The following THUMPD2 variants were observed in gnomAD, a reference collection of about 807,000 sequenced individuals.
THUMPD2 encodes the protein THUMP domain 2 tRNA and snRNA guanosine methyltransferase.
In THUMPD2, 56 loss-of-function variants were observed where a neutral mutation model predicts 49.4. The observed-to-expected ratio is 1.13, with a 90% confidence interval of 0.91 to 1.41. The LOEUF (loss-of-function observed/expected upper bound fraction) is 1.41. Among genes scored for constraint, THUMPD2 ranks in the 40% most tolerant of loss-of-function variants. The pLI is 0.00. For synonymous variants in THUMPD2, 237 were observed against 205.2 expected (o/e 1.15, Z -1.32); for missense variants, 709 against 594.5 (o/e 1.19, Z -2.00).
intron 6 of THUMPD2, among the ~76,000 whole-genome samples, chr2:39,757,087 A>T (rs1004389709): frequency 6.6e-6 from 1 of 152,092 alleles, no homozygotes; most frequent in East Asian, 1.9e-4. Context: ...AGACCAAAGA[A>T]TCATGACGGG....
intron 8 of THUMPD2, among the ~76,000 whole-genome samples, chr2:39,748,217 CT>C (rs564900831): frequency 2.0e-5 from 3 of 151,974 alleles, no homozygotes; most frequent in African/African-American, 4.8e-5. Flanking sequence ...AATTAGGCAA[CT>C]TTTTTTTGGT....
intron 8 of THUMPD2, among the ~76,000 whole-genome samples, chr2:39,749,792 T>A (rs1436601715): frequency 6.6e-6 from 1 of 152,002 alleles, no homozygotes; most frequent in Non-Finnish European, 1.5e-5. Flanking sequence ...GTGTGTGTTG[T>A]CCCCCAACCA....
rs114721431 is a variant in THUMPD2 at position 39,768,081 on chromosome 2, T to C, written c.750+343A>G. ...TAGGACTTTGTTGTTATCCATTTTT[T>C]TAATATTAGCTAAAATTTTTAAAAT... On this transcript the variant is annotated intron_variant, in intron 4 of 9. Coordinates refer to ENST00000505747, the MANE Select transcript of THUMPD2 (RefSeq NM_025264.5). 8.7e-3 allele frequency among the ~76,000 whole-genome samples: 1,333 copies of C among 152,346 alleles called. 20 individuals are homozygous for C. The highest frequency in any genetic ancestry group is 0.031 in the African/African-American group (1,270 of 41,580).
chr2:39,775,960 T>C (rs1466646750), intron 1 of THUMPD2, among the ~76,000 whole-genome samples: 1 of 152,128 alleles, frequency 6.6e-6, no homozygotes, highest in Non-Finnish European at 1.5e-5. Flanking sequence ...ATTCAGGACC[T>C]GTGTTAATAG....
intron 5 of THUMPD2, among the ~76,000 whole-genome samples, chr2:39,765,371 G>C (rs1677377539): frequency 6.6e-6 from 1 of 152,014 alleles, no homozygotes; most frequent in Non-Finnish European, 1.5e-5. Flanking sequence ...TGTTGGTCAG[G>C]CTGGTCTTGA....
At chr2:39,746,419 C>G (rs1054067761) in intron 8 of THUMPD2, among the ~76,000 whole-genome samples, 1 of 152,186 alleles carries the variant, frequency 6.6e-6, no homozygotes, top group Admixed American at 6.5e-5. Flanking sequence ...TTGTCCCCAT[C>G]TCCGTAGGTT....
chr2:39,741,013 C>T (rs762568835), intron 9 of THUMPD2, among the ~76,000 whole-genome samples: 11 of 152,168 alleles, frequency 7.2e-5, no homozygotes, highest in Non-Finnish European at 1.2e-4. Flanking sequence ...TGCCCAGAAA[C>T]ACATAATTTC....
chr2:39,756,229 A>T (rs1240460997), intron 6 of THUMPD2, among the ~76,000 whole-genome samples: 2 of 152,184 alleles, frequency 1.3e-5, no homozygotes, highest in African/African-American at 4.8e-5. Flanking sequence ...CACAAGTATT[A>T]GTGTGGAACA....
intron 1 of THUMPD2, among the ~76,000 whole-genome samples, chr2:39,772,226 G>A (rs961299110): frequency 5.9e-5 from 9 of 152,300 alleles, no homozygotes; most frequent in Non-Finnish European, 1.0e-4. Context: ...GAAGTAAACT[G>A]TAAGCAACAT....
chr2:39,736,907 T>G lies in THUMPD2; in HGVS notation c.1340A>C (p.Lys447Thr), dbSNP rs750456070. The G allele has an allele frequency of 2.5e-6, 4 of 1,614,166 alleles. No homozygotes were observed. Reference protein sequence around the residue: ...GIKKCLNPEEKTGAFKTASTS... With the variant: ...GIKKCLNPEETTGAFKTASTS... ...TGACGCTGTCTTGAATGCACCAGTT[T>G]TTTCTTCAGGATTCAAGCACTTTTT... Residue 447 changes from lysine to threonine, a missense_variant, in exon 10 of 10, where the codon AAA (lysine) becomes ACA (threonine). Transcript: ENST00000505747.
chr2:39,738,809 C>T (rs1488933754), intron 9 of THUMPD2, among the ~76,000 whole-genome samples: 2 of 151,830 alleles, frequency 1.3e-5, no homozygotes, highest in Admixed American at 6.6e-5. Flanking sequence ...AGCAGATGCT[C>T]GTCTGCCAGG....
At chr2:39,748,934 T>C (rs947397699) in intron 8 of THUMPD2, among the ~76,000 whole-genome samples, 1 of 151,876 alleles carries the variant, frequency 6.6e-6, no homozygotes. Context: ...TGCAGTAAGC[T>C]ATTATCAGAC....
Position 39,772,473 on chromosome 2 carries a change from A to G in THUMPD2, c.127-833T>C, listed in dbSNP as rs146308828. Among the ~76,000 whole-genome samples, 648 of 152,348 alleles carry G rather than the reference A, an allele frequency of 4.3e-3. 5 individuals carry two copies. Among genetic ancestry groups the G allele is most frequent in the African/African-American group, 0.014 (599 of 41,576 alleles). ...GGAGAAGTAGGTTACTAAGGTAGAAATGATGAGATACTTGGCTGCAGAAAC... is the reference window on the plus strand; with the variant it reads ...GGAGAAGTAGGTTACTAAGGTAGAAGTGATGAGATACTTGGCTGCAGAAAC... On this transcript the variant is annotated intron_variant, in intron 1 of 9. Transcript: ENST00000505747.
Position 39,744,408 on chromosome 2 carries a change from T to C in THUMPD2, c.1149A>G (p.Leu383=). ...GTAGAATGCTTTTGATGTCTTTTCCTAACTTAAACTTTTTCCCAAATGGAA... is the reference window on the plus strand; with the variant it reads ...GTAGAATGCTTTTGATGTCTTTTCCCAACTTAAACTTTTTCCCAAATGGAA... ...SDIPFGKKFK[L]GKDIKSILQE... is the part of the protein sequence containing the mutation. The change falls in exon 9 of 10, where the codon TTA becomes TTG. Residue 383 remains leucine, a synonymous_variant. Transcript: ENST00000505747. The C allele has an allele frequency of 1.3e-6, 2 of 1,586,972 alleles. No individual in the cohort carries two copies. Among genetic ancestry groups the C allele is most frequent in the Non-Finnish European group, 1.7e-6 (2 of 1,170,294 alleles).
At chr2:39,745,162 C>T (rs10197101) in intron 8 of THUMPD2, among the ~76,000 whole-genome samples, 8,507 of 152,232 alleles carry the variant, frequency 0.056, 802 homozygotes, top group African/African-American at 0.19. Flanking sequence ...TCTCATCCAT[C>T]TCCTAAATTC....
At chr2:39,761,777 T>C (rs551652682) in intron 5 of THUMPD2, among the ~76,000 whole-genome samples, 13 of 152,336 alleles carry the variant, frequency 8.5e-5, no homozygotes, top group African/African-American at 2.9e-4. Context: ...AAGGGGAATG[T>C]ACTATTTTGT....
chr2:39,757,598 C>T (rs1676309650), intron 6 of THUMPD2, among the ~76,000 whole-genome samples: 1 of 152,176 alleles, frequency 6.6e-6, no homozygotes, highest in Non-Finnish European at 1.5e-5. Flanking sequence ...TGTTCAATGA[C>T]ATAATCTGAC....
chr2:39,740,588 A>T (rs1291354756), intron 9 of THUMPD2, among the ~76,000 whole-genome samples: 1 of 152,212 alleles, frequency 6.6e-6, no homozygotes, highest in African/African-American at 2.4e-5. Context: ...GCATCTTTCC[A>T]TGATCATACG....
chr2:39,761,527 A>C, intron 5 of THUMPD2, 109 bp from the exon 6 acceptor site: 1 of 1,002,884 alleles, frequency 1.0e-6, no homozygotes, highest in South Asian at 1.6e-5. Context: ...CATCCAACAT[A>C]CACTAAAGTA....
Sources: allele counts gnomAD v4.1 joint callset (sites outside exome capture counted in the v4.1 genomes callset), GRCh38; gene constraint gnomAD v4.1.1; transcripts MANE v1.5; gene names NCBI Gene and HGNC (gene_info 2026-07-23, HGNC 2026-07-21).